The following DOCK7 variants were observed in gnomAD, a reference collection of about 807,000 sequenced individuals.
DOCK7 encodes the protein dedicator of cytokinesis protein 7.
A neutral mutation model predicts 271.0 loss-of-function variants in DOCK7; 138 were observed. The ratio of observed to expected loss-of-function variants is 0.51; its 90% confidence interval spans 0.44 to 0.59. The LOEUF (loss-of-function observed/expected upper bound fraction) is 0.59, where lower values mean the gene tolerates loss of function less well. DOCK7 is among the 20% of genes least tolerant of loss of function. The pLI is 0.00. For synonymous variants in DOCK7, 823 were observed against 876.1 expected (o/e 0.94, Z 1.07); for missense variants, 2,066 against 2,592.4 (o/e 0.80, Z 4.41).
chr1:62,594,682 TTGA>T (rs1648963350), intron 14 of DOCK7, among the ~76,000 whole-genome samples: 1 of 152,134 alleles, frequency 6.6e-6, no homozygotes, highest in African/African-American at 2.4e-5. Flanking sequence ...TCCCTATATG[TTGA>T]TTTTATCATT....
At chr1:62,607,132 G>C (rs1651112591) in intron 14 of DOCK7, among the ~76,000 whole-genome samples, 1 of 152,116 alleles carries the variant, frequency 6.6e-6, no homozygotes, top group Non-Finnish European at 1.5e-5. Flanking sequence ...CTTGAACCCA[G>C]GAGGCGGAGG....
chr1:62,487,445 TA>T (rs763938882), intron 42 of DOCK7, 33 bp from the exon 43 acceptor site: 1 of 1,607,278 alleles, frequency 6.2e-7, no homozygotes, highest in South Asian at 1.1e-5. Context: ...GGGCAAGTCA[TA>T]AAAAAACTGT....
At chr1:62,604,922 GATTT>G in intron 14 of DOCK7, 1 of 1,224,994 alleles carries the variant, frequency 8.2e-7, no homozygotes, top group Middle Eastern at 2.7e-4. Context: ...TTGAGAAATA[GATTT>G]TTTTTATCTT....
At chr1:62,566,166 T>C (rs1212129071) in intron 18 of DOCK7, among the ~76,000 whole-genome samples, 1 of 152,172 alleles carries the variant, frequency 6.6e-6, no homozygotes, top group Non-Finnish European at 1.5e-5. Flanking sequence ...CCCATCAAGC[T>C]ACCATTGACT....
At chr1:62,513,208 G>A (rs576365822) in intron 33 of DOCK7, among the ~76,000 whole-genome samples, 1 of 131,916 alleles carries the variant, frequency 7.6e-6, no homozygotes. Flanking sequence ...TTTCTAGAGA[G>A]GACTTTCTAG....
At chr1:62,593,653 T>C (rs554432165) in intron 14 of DOCK7, among the ~76,000 whole-genome samples, 19 of 152,258 alleles carry the variant, frequency 1.2e-4, no homozygotes, top group Non-Finnish European at 2.8e-4. Flanking sequence ...AAACTTAACA[T>C]GTTAATAGTG....
chr1:62,545,181 C>A, intron 22 of DOCK7, 142 bp from the exon 23 acceptor site: 2 of 608,062 alleles, frequency 3.3e-6, no homozygotes, highest in East Asian at 3.0e-5. Context: ...TTTGTAGGCA[C>A]CTATAGAGTA....
chr1:62,546,246 C>T (rs1312873274), intron 22 of DOCK7, among the ~76,000 whole-genome samples: 1 of 152,008 alleles, frequency 6.6e-6, no homozygotes, highest in South Asian at 2.1e-4. Flanking sequence ...GTGAGTGCGG[C>T]CCAGACATCA....
chr1:62,472,195 C>CT (rs1467314762), intron 48 of DOCK7, among the ~76,000 whole-genome samples: 1 of 152,064 alleles, frequency 6.6e-6, no homozygotes, highest in African/African-American at 2.4e-5. Flanking sequence ...CCTCCACCTC[C>CT]TGGGTTCAAG....
Position 62,462,070 on chromosome 1 carries a change from CAA to C in DOCK7, c.6213-4367_6213-4366del, listed in dbSNP as rs71662374. On this transcript the variant is annotated intron_variant, in intron 48 of 49. Transcript: ENST00000635253. ...TGGGCAACAAGAACAAAACTCATCT[CAA>C]AAAAAAAAAAAATTAATAAAATCAT... Among the ~76,000 whole-genome samples the C allele has an allele frequency of 4.1e-3, 544 of 133,844 alleles. 5 individuals are homozygous for C. The highest frequency in any genetic ancestry group is 0.013 in the African/African-American group (483 of 37,438). The allele number at this position is 133,844 out of a possible 152,430, so 87.8% of individuals were successfully genotyped here.
rs896087604 is a variant in DOCK7 at position 62,529,091 on chromosome 1, A to T, written c.3781+186T>A. Among the ~76,000 whole-genome samples, 5 of 152,166 alleles carry T rather than the reference A, an allele frequency of 3.3e-5. No homozygotes were observed. In the East Asian group the frequency reaches 9.6e-4, roughly 29 times the overall value. ...ATTCATCATAAGAACTACTTAAAGC[A>T]ATCTTATACGGAATTCTCTCACACG... On this transcript the variant is annotated intron_variant, in intron 30 of 49. Transcript: ENST00000635253.
chr1:62,664,829 C>T (rs1659096977), intron 1 of DOCK7, among the ~76,000 whole-genome samples: 1 of 150,742 alleles, frequency 6.6e-6, no homozygotes, highest in Non-Finnish European at 1.5e-5. Flanking sequence ...GACAACAGCA[C>T]CAAAGCACCA....
chr1:62,654,579 A>C (rs1483373301), intron 2 of DOCK7, among the ~76,000 whole-genome samples: 1 of 152,208 alleles, frequency 6.6e-6, no homozygotes, highest in South Asian at 2.1e-4. Context: ...TCCTAGTAAA[A>C]ACATATAATC....
At chr1:62,601,026 C>A in intron 14 of DOCK7, 2 of 1,008,198 alleles carry the variant, frequency 2.0e-6, no homozygotes, top group Non-Finnish European at 3.2e-6. Flanking sequence ...ACTCAGATTT[C>A]CCCTAATTGT....
At chr1:62,571,787 C>T (rs1646789490) in intron 18 of DOCK7, among the ~76,000 whole-genome samples, 1 of 152,126 alleles carries the variant, frequency 6.6e-6, no homozygotes, top group South Asian at 2.1e-4. Context: ...TTATCCTGAA[C>T]AAACTAATGC....
intron 31 of DOCK7, among the ~76,000 whole-genome samples, chr1:62,520,418 C>T (rs1426417341): frequency 2.0e-5 from 3 of 151,900 alleles, no homozygotes; most frequent in African/African-American, 7.3e-5. Flanking sequence ...AAAAACAACC[C>T]CACCAAAAAG....
chr1:62,480,666 T>C (rs1190508710), intron 43 of DOCK7, among the ~76,000 whole-genome samples: 1 of 152,152 alleles, frequency 6.6e-6, no homozygotes, highest in Non-Finnish European at 1.5e-5. Context: ...TTCAAATACT[T>C]ATTGAGCCCT....
At chr1:62,601,281 T>C in intron 14 of DOCK7, 1 of 950,074 alleles carries the variant, frequency 1.1e-6, no homozygotes, top group Middle Eastern at 2.2e-4. Context: ...TAAAAGATAG[T>C]TAAGAGATAT....
intron 14 of DOCK7, chr1:62,606,190 T>C (rs1184556563): frequency 2.0e-5 from 3 of 151,982 alleles, no homozygotes; most frequent in Non-Finnish European, 4.4e-5. Flanking sequence ...GCTGTCGAAA[T>C]TAACGCTGAT....
Sources: allele counts gnomAD v4.1 joint callset (sites outside exome capture counted in the v4.1 genomes callset), GRCh38; gene constraint gnomAD v4.1.1; transcripts MANE v1.5; gene names NCBI Gene and HGNC (gene_info 2026-07-23, HGNC 2026-07-21).